The following CDH20 variants were observed in gnomAD, a reference collection of about 807,000 sequenced individuals.
CDH20 encodes the protein cadherin 20.
CDH20 carries 29 observed loss-of-function variants against 74.2 expected under a neutral mutation model. That is an observed-to-expected ratio of 0.39 (90% confidence interval 0.29 to 0.53). The LOEUF (loss-of-function observed/expected upper bound fraction) is 0.53, where lower values mean the gene tolerates loss of function less well. CDH20 is among the 20% of genes least tolerant of loss of function. The pLI, the probability that CDH20 is intolerant of heterozygous loss-of-function variation, is 0.69. For synonymous variants in CDH20, 469 were observed against 405.4 expected, an observed-to-expected ratio of 1.16 and a Z score of -1.88; for missense variants, 988 against 1,048.3, an observed-to-expected ratio of 0.94 and a Z score of 0.79.
intron 1 of CDH20, among the ~76,000 whole-genome samples, chr18:61,373,088 G>A (rs1194085246): frequency 5.3e-5 from 8 of 151,812 alleles, no homozygotes; most frequent in African/African-American, 9.7e-5. Context: ...AGTAATGCTG[G>A]CCTCAGTTTT....
At chr18:61,485,825 G>A (rs914756153) in intron 1 of CDH20, among the ~76,000 whole-genome samples, 1 of 152,162 alleles carries the variant, frequency 6.6e-6, no homozygotes, top group Admixed American at 6.5e-5. Context: ...TGTAATCCCA[G>A]CACTTTGGGA....
intron 1 of CDH20, among the ~76,000 whole-genome samples, chr18:61,468,942 C>T (rs1007449348): frequency 6.6e-6 from 1 of 152,188 alleles, no homozygotes; most frequent in African/African-American, 2.4e-5. Context: ...TAGTTCCATT[C>T]ATCCCACAAA....
At chr18:61,458,417 C>T (rs1047469779) in intron 1 of CDH20, among the ~76,000 whole-genome samples, 1 of 152,128 alleles carries the variant, frequency 6.6e-6, no homozygotes, top group Non-Finnish European at 1.5e-5. Context: ...AGGAAAGTTG[C>T]CCATCAAAAA....
At chr18:61,476,304 C>T (rs1910382414) in intron 1 of CDH20, among the ~76,000 whole-genome samples, 1 of 152,128 alleles carries the variant, frequency 6.6e-6, no homozygotes, top group Non-Finnish European at 1.5e-5. Flanking sequence ...TGTAAAGGTG[C>T]TAAATGAGAC....
intron 1 of CDH20, among the ~76,000 whole-genome samples, chr18:61,379,170 C>A (rs1911349670): frequency 6.6e-6 from 1 of 152,038 alleles, no homozygotes; most frequent in African/African-American, 2.4e-5. Context: ...AGATAATCAG[C>A]TTAGATAATT....
intron 8 of CDH20, among the ~76,000 whole-genome samples, chr18:61,538,614 G>GTT (rs541920246): frequency 1.7e-5 from 1 of 57,550 alleles, no homozygotes; most frequent in Non-Finnish European, 3.5e-5. Flanking sequence ...TTTTGTTTTT[G>GTT]TTTTTGTTTT....
intron 1 of CDH20, among the ~76,000 whole-genome samples, chr18:61,435,775 G>C (rs1041707226): frequency 1.3e-5 from 2 of 151,390 alleles, no homozygotes; most frequent in African/African-American, 4.8e-5. Context: ...TGTTGAGATA[G>C]ATTTCAAACA....
At chr18:61,388,461 A>G (rs1020854618) in intron 1 of CDH20, among the ~76,000 whole-genome samples, 6 of 152,196 alleles carry the variant, frequency 3.9e-5, no homozygotes, top group African/African-American at 1.4e-4. Context: ...GTAGGACTGC[A>G]TGCCTCATCT....
intron 1 of CDH20, among the ~76,000 whole-genome samples, chr18:61,421,176 T>C (rs1251688555): frequency 6.6e-6 from 1 of 151,920 alleles, no homozygotes; most frequent in Admixed American, 6.6e-5. Flanking sequence ...ATCAACAGAG[T>C]GGTAAAATTA....
At chr18:61,355,503 T>C (rs1673136362) in intron 1 of CDH20, among the ~76,000 whole-genome samples, 3 of 152,206 alleles carry the variant, frequency 2.0e-5, no homozygotes, top group Admixed American at 2.0e-4. Context: ...CTTGAGAAAG[T>C]TGTTCAACAT....
intron 5 of CDH20, among the ~76,000 whole-genome samples, chr18:61,505,416 T>G (rs1911529709): frequency 6.6e-6 from 1 of 150,876 alleles, no homozygotes; most frequent in East Asian, 2.0e-4. Context: ...CAGCTCACTG[T>G]AGCCTCAACC....
intron 1 of CDH20, among the ~76,000 whole-genome samples, chr18:61,378,139 G>C (rs1251634683): frequency 6.6e-6 from 1 of 152,140 alleles, no homozygotes; most frequent in Non-Finnish European, 1.5e-5. Flanking sequence ...CCCAGGAGCA[G>C]ATTAAATACT....
intron 6 of CDH20, among the ~76,000 whole-genome samples, chr18:61,527,333 A>C (rs76267703): frequency 5.3e-5 from 8 of 151,632 alleles, no homozygotes; most frequent in African/African-American, 1.7e-4. Flanking sequence ...AAGGAAAAAA[A>C]AAAAGCCTAG....
intron 1 of CDH20, among the ~76,000 whole-genome samples, chr18:61,366,192 T>C (rs919166171): frequency 2.0e-5 from 3 of 152,184 alleles, no homozygotes; most frequent in Non-Finnish European, 2.9e-5. Flanking sequence ...TATTCATTTC[T>C]TGTGTAAATG....
At chr18:61,472,703 G>A (rs1910226391) in intron 1 of CDH20, among the ~76,000 whole-genome samples, 2 of 152,328 alleles carry the variant, frequency 1.3e-5, no homozygotes, top group South Asian at 4.1e-4. Flanking sequence ...AAAGTGATCT[G>A]AGATAATCAT....
chr18:61,451,071 T>C (rs1214087752), intron 1 of CDH20, among the ~76,000 whole-genome samples: 2 of 152,068 alleles, frequency 1.3e-5, no homozygotes, highest in Admixed American at 6.6e-5. Context: ...TATATTTTGA[T>C]ATATATTGCT....
intron 1 of CDH20, among the ~76,000 whole-genome samples, chr18:61,341,705 T>C (rs907370898): frequency 4.6e-5 from 7 of 152,216 alleles, no homozygotes; most frequent in South Asian, 2.1e-4. Flanking sequence ...AGAATCTAAA[T>C]GTATGCCTAT....
At chr18:61,465,265 CA>C (rs796359635) in intron 1 of CDH20, among the ~76,000 whole-genome samples, 1 of 151,706 alleles carries the variant, frequency 6.6e-6, no homozygotes, top group East Asian at 1.9e-4. Flanking sequence ...AAAAGAAAAC[CA>C]AAAAAAAGCA....
chr18:61,361,358 C>T (rs1910688161), intron 1 of CDH20, among the ~76,000 whole-genome samples: 1 of 152,190 alleles, frequency 6.6e-6, no homozygotes, highest in African/African-American at 2.4e-5. Flanking sequence ...ATGTACAGCA[C>T]TGTACCTTGT....
Sources: allele counts gnomAD v4.1 joint callset (sites outside exome capture counted in the v4.1 genomes callset), GRCh38; gene constraint gnomAD v4.1.1; transcripts MANE v1.5; gene names NCBI Gene and HGNC (gene_info 2026-07-23, HGNC 2026-07-21).